Variants in PEX5L observed in about 807,000 individuals in gnomAD.
PEX5L encodes the protein PEX5-related protein.
In PEX5L, 30 loss-of-function variants were observed where a neutral mutation model predicts 84.0. The ratio of observed to expected loss-of-function variants is 0.36; its 90% CI spans 0.27 to 0.48. The LOEUF (loss-of-function observed/expected upper bound fraction) is 0.48. Ranked by LOEUF, PEX5L falls within the 20% of genes least tolerant of loss-of-function variation. The pLI is 0.99. For missense variants in PEX5L, 533 were observed against 754.6 expected (o/e 0.71, Z 3.44); for synonymous variants, 270 against 283.1 (o/e 0.95, Z 0.46).
At chr3:179,870,768 C>A (rs1750036459) in intron 7 of PEX5L, among the ~76,000 whole-genome samples, 2 of 152,150 alleles carry the variant, frequency 1.3e-5, no homozygotes, top group African/African-American at 4.8e-5. Context: ...CGTTTGCATG[C>A]CTTTCCTCCT....
At chr3:179,983,472 T>A (rs926231822) in intron 1 of PEX5L, among the ~76,000 whole-genome samples, 19 of 152,034 alleles carry the variant, frequency 1.2e-4, no homozygotes, top group African/African-American at 4.6e-4. Flanking sequence ...ATTTTCTTAA[T>A]AGTACTAAGA....
intron 2 of PEX5L, among the ~76,000 whole-genome samples, chr3:179,966,910 T>C (rs780549681): frequency 6.6e-6 from 1 of 152,176 alleles, no homozygotes; most frequent in African/African-American, 2.4e-5. Flanking sequence ...CTGGTAGACG[T>C]TCTCCTTGAG....
chr3:179,847,270 A>G, intron 8 of PEX5L, among the ~76,000 whole-genome samples: 1 of 152,052 alleles, frequency 6.6e-6, no homozygotes, highest in South Asian at 2.1e-4. Flanking sequence ...CTGTATATTG[A>G]TTGATATATA....
intron 2 of PEX5L, among the ~76,000 whole-genome samples, chr3:179,968,392 A>G (rs1783890739): frequency 6.6e-6 from 1 of 152,164 alleles, no homozygotes; most frequent in Admixed American, 6.6e-5. Flanking sequence ...ATTAATGTGT[A>G]CATGAAACCT....
At chr3:180,004,410 G>A (rs1022410174) in intron 1 of PEX5L, among the ~76,000 whole-genome samples, 1 of 152,146 alleles carries the variant, frequency 6.6e-6, no homozygotes, top group Non-Finnish European at 1.5e-5. Flanking sequence ...TCAAACTGCA[G>A]ATAAATCTTT....
intron 1 of PEX5L, chr3:179,973,601 C>T (rs1785305592): frequency 3.0e-6 from 3 of 984,726 alleles, no homozygotes; most frequent in South Asian, 9.4e-5. Context: ...CTCTTGATTT[C>T]CCCTTTTTAA....
intron 4 of PEX5L, 29 bp downstream of exon 4, chr3:179,887,644 T>G: frequency 1.5e-5 from 20 of 1,344,590 alleles, no homozygotes; most frequent in Non-Finnish European, 1.9e-5. Flanking sequence ...TAACTCTAGT[T>G]GAGGAACAGT....
chr3:180,009,045 T>C (rs1414976773), intron 1 of PEX5L, among the ~76,000 whole-genome samples: 2 of 152,238 alleles, frequency 1.3e-5, no homozygotes, highest in Non-Finnish European at 2.9e-5. Flanking sequence ...AAGATTTTAC[T>C]CATCATTGCT....
At chr3:180,009,293 T>C (rs75464073) in intron 1 of PEX5L, among the ~76,000 whole-genome samples, 6,206 of 152,266 alleles carry the variant, frequency 0.041, 419 homozygotes, top group African/African-American at 0.14. Context: ...TTTCAATATT[T>C]GGTTCTATCT....
intron 1 of PEX5L, among the ~76,000 whole-genome samples, chr3:180,019,570 T>G (rs1448077192): frequency 6.6e-6 from 1 of 152,170 alleles, no homozygotes; most frequent in Admixed American, 6.6e-5. Context: ...TTATTTATCA[T>G]CATATTTCCT....
At chr3:180,000,586 A>G (rs1788307974) in intron 1 of PEX5L, among the ~76,000 whole-genome samples, 1 of 152,162 alleles carries the variant, frequency 6.6e-6, no homozygotes, top group African/African-American at 2.4e-5. Context: ...ACCAGCTATG[A>G]CCACGTGACT....
At chr3:179,978,993 C>T (rs908659625) in intron 1 of PEX5L, among the ~76,000 whole-genome samples, 1 of 152,170 alleles carries the variant, frequency 6.6e-6, no homozygotes, top group Non-Finnish European at 1.5e-5. Context: ...CAGCAAACAA[C>T]CTCACTATAC....
intron 8 of PEX5L, among the ~76,000 whole-genome samples, chr3:179,849,341 T>C (rs1353980082): frequency 6.6e-6 from 1 of 152,246 alleles, no homozygotes; most frequent in Non-Finnish European, 1.5e-5. Flanking sequence ...TTTTTAAATA[T>C]ATATGAAAAT....
At chr3:179,949,116 G>T (rs912816693) in intron 2 of PEX5L, among the ~76,000 whole-genome samples, 1 of 151,980 alleles carries the variant, frequency 6.6e-6, no homozygotes, top group African/African-American at 2.4e-5. Flanking sequence ...AACTGTACAG[G>T]TCTTTCTCAT....
Position 179,807,699 on chromosome 3 carries a change from T to G in PEX5L, c.1651A>C (p.Ser551Arg). ...FIRSRYNLGI[S>R]CINLGAYREA... ...CTGTAGGCGCCCAGGTTGATGCAGC[T>G]TATTCCTAGGTTGTATCTGGACCGG... Residue 551 changes from serine to arginine, a missense_variant, in exon 14 of 15, where the codon AGC becomes CGC. Ser to Arg is a moderately radical substitution (Grantham distance 110). Around this residue, in one of 8 missense-constraint regions of PEX5L, gnomAD observed 105 missense variants for 204.6 expected, o/e 0.51. Transcript: ENST00000467460. 6.2e-7 allele frequency: 1 copy of G among 1,614,208 alleles called. No homozygotes were observed. Among genetic ancestry groups the G allele is most frequent in the Non-Finnish European group, 8.5e-7 (1 of 1,180,018 alleles).
intron 2 of PEX5L, among the ~76,000 whole-genome samples, chr3:179,955,753 T>A (rs1202732897): frequency 6.6e-6 from 1 of 152,092 alleles, no homozygotes; most frequent in African/African-American, 2.4e-5. Flanking sequence ...TTGAAAAACA[T>A]AAATATGAGT....
chr3:179,960,495 G>A (rs1236460048), intron 2 of PEX5L, among the ~76,000 whole-genome samples: 1 of 152,114 alleles, frequency 6.6e-6, no homozygotes, highest in East Asian at 1.9e-4. Context: ...CTATGTATTG[G>A]GTGCTCACCA....
At chr3:180,017,122 C>G (rs868103962) in intron 1 of PEX5L, among the ~76,000 whole-genome samples, 1 of 152,126 alleles carries the variant, frequency 6.6e-6, no homozygotes, top group Non-Finnish European at 1.5e-5. Context: ...GATCTGTTTA[C>G]AGATTTGAGT....
intron 1 of PEX5L, among the ~76,000 whole-genome samples, chr3:179,980,341 C>T (rs781393175): frequency 3.3e-5 from 5 of 152,034 alleles, no homozygotes; most frequent in Non-Finnish European, 7.4e-5. Context: ...TTATATGGAT[C>T]TACACACAGT....
Sources: gnomAD v4.1 joint callset for allele counts (sites outside exome capture counted in the v4.1 genomes callset) on GRCh38, gnomAD v4.1.1 for gene constraint, gnomAD v4.1.1 regional missense constraint, MANE v1.5 for transcripts, NCBI Gene and HGNC (gene_info 2026-07-23, HGNC 2026-07-21) for gene names.